Variants in TEAD1 observed in about 807,000 individuals in gnomAD.
TEAD1 encodes transcriptional enhancer factor TEF-1.
A neutral mutation model predicts 54.9 loss-of-function variants in TEAD1; 9 were observed. The ratio of observed to expected loss-of-function variants is 0.16; its 90% CI spans 0.10 to 0.29. The LOEUF (loss-of-function observed/expected upper bound fraction) is 0.29. Among genes scored for constraint, TEAD1 ranks in the 10% least tolerant of loss-of-function variants. The pLI is 1.00. For missense variants in TEAD1, 387 were observed against 535.9 expected, an observed-to-expected ratio of 0.72 and a Z score of 2.74; for synonymous variants, 200 against 187.8, an observed-to-expected ratio of 1.07 and a Z score of -0.53.
intron 5 of TEAD1, among the ~76,000 whole-genome samples, chr11:12,876,583 C>G (rs1046124368): frequency 2.0e-5 from 3 of 152,194 alleles, no homozygotes; most frequent in Non-Finnish European, 4.4e-5. Flanking sequence ...GTCAGGCAGG[C>G]AAGACGTCTG....
intron 3 of TEAD1, among the ~76,000 whole-genome samples, chr11:12,786,555 T>C (rs1564939559): frequency 6.6e-6 from 1 of 152,222 alleles, no homozygotes; most frequent in Non-Finnish European, 1.5e-5. Flanking sequence ...GCCGTGGTTA[T>C]ATTTTATATA....
chr11:12,680,837 ATTG>A (rs745886170), intron 2 of TEAD1, among the ~76,000 whole-genome samples: 19 of 152,276 alleles, frequency 1.2e-4, no homozygotes, highest in South Asian at 2.1e-4. Flanking sequence ...AGGCGTGCCT[ATTG>A]TTATGGCAGC....
intron 3 of TEAD1, among the ~76,000 whole-genome samples, chr11:12,843,458 C>A (rs1239558290): frequency 6.6e-6 from 1 of 152,154 alleles, no homozygotes; most frequent in African/African-American, 2.4e-5. Context: ...TAGTCAGCTA[C>A]GAAGTAAGTA....
intron 9 of TEAD1, among the ~76,000 whole-genome samples, chr11:12,889,284 C>T (rs1485114495): frequency 6.6e-6 from 1 of 152,180 alleles, no homozygotes; most frequent in East Asian, 1.9e-4. Context: ...CAGATGAAAA[C>T]CCGGCCTGGC....
chr11:12,753,876 T>A (rs1049137832), intron 2 of TEAD1, among the ~76,000 whole-genome samples: 2 of 152,240 alleles, frequency 1.3e-5, no homozygotes, highest in Non-Finnish European at 2.9e-5. Flanking sequence ...TTTTTTACTT[T>A]CAGATCTAAA....
intron 3 of TEAD1, among the ~76,000 whole-genome samples, chr11:12,798,154 C>T (rs1400711969): frequency 1.3e-5 from 2 of 152,196 alleles, no homozygotes; most frequent in African/African-American, 4.8e-5. Context: ...TAGTTGCCTC[C>T]TGCACACATG....
chr11:12,803,066 A>T (rs888385446), intron 3 of TEAD1, among the ~76,000 whole-genome samples: 2 of 152,086 alleles, frequency 1.3e-5, no homozygotes, highest in African/African-American at 4.8e-5. Flanking sequence ...GATTCTGGGA[A>T]AACAGAAGTT....
intron 9 of TEAD1, among the ~76,000 whole-genome samples, chr11:12,885,749 G>A (rs1272470151): frequency 6.6e-6 from 1 of 152,120 alleles, no homozygotes; most frequent in Non-Finnish European, 1.5e-5. Flanking sequence ...TGTTAACTGT[G>A]CTCTCCAGTT....
At chr11:12,909,836 A>G (rs898673096) in intron 10 of TEAD1, among the ~76,000 whole-genome samples, 3 of 152,122 alleles carry the variant, frequency 2.0e-5, no homozygotes, top group African/African-American at 7.2e-5. Flanking sequence ...TAATTAAACC[A>G]TCTCGGAAAA....
chr11:12,828,567 T>G (rs1376431432), intron 3 of TEAD1, among the ~76,000 whole-genome samples: 1 of 152,098 alleles, frequency 6.6e-6, no homozygotes, highest in Non-Finnish European at 1.5e-5. Context: ...TTTCAAAAGC[T>G]GATGTTTGAG....
chr11:12,719,301 G>A (rs755399231), intron 2 of TEAD1, among the ~76,000 whole-genome samples: 5 of 152,122 alleles, frequency 3.3e-5, no homozygotes, highest in African/African-American at 4.8e-5. Flanking sequence ...AAATGATTGC[G>A]TCCTGTGGAG....
At chr11:12,724,143 CCT>C (rs1334189672) in intron 2 of TEAD1, among the ~76,000 whole-genome samples, 1 of 152,122 alleles carries the variant, frequency 6.6e-6, no homozygotes, top group African/African-American at 2.4e-5. Flanking sequence ...TCCAGTGGCC[CCT>C]GAGGCCACAC....
chr11:12,711,980 C>G (rs1943947944), intron 2 of TEAD1, among the ~76,000 whole-genome samples: 1 of 152,160 alleles, frequency 6.6e-6, no homozygotes, highest in Non-Finnish European at 1.5e-5. Context: ...TCCTCTTCTC[C>G]AGGTCCTCTG....
chr11:12,863,051 C>A (rs1043238785), intron 4 of TEAD1, among the ~76,000 whole-genome samples: 1 of 152,054 alleles, frequency 6.6e-6, no homozygotes, highest in Admixed American at 6.5e-5. Context: ...CTAAAAACCT[C>A]ATGGGTGAGT....
intron 3 of TEAD1, among the ~76,000 whole-genome samples, chr11:12,859,496 C>T (rs1234439227): frequency 6.6e-6 from 1 of 152,190 alleles, no homozygotes; most frequent in Admixed American, 6.5e-5. Context: ...TAATTAGGTA[C>T]TCCTAGCTGG....
chr11:12,717,019 G>A (rs935017394), intron 2 of TEAD1, among the ~76,000 whole-genome samples: 79 of 152,294 alleles, frequency 5.2e-4, no homozygotes, highest in African/African-American at 1.9e-3. Flanking sequence ...CACAATGTGG[G>A]TACCAACTCA....
chr11:12,944,706 A>G lies in TEAD1; in HGVS notation c.*7484A>G, dbSNP rs927442700. On this transcript the variant is annotated 3_prime_UTR_variant, in exon 13 of 13. Coordinates refer to ENST00000527636, the MANE Select transcript of TEAD1 (RefSeq NM_021961.6). ...GAAACTTTGTATTCATACGGTATCAATGAAAAATAAAGAAAATGAAAGTGT... is the reference window on the plus strand; with the variant it reads ...GAAACTTTGTATTCATACGGTATCAGTGAAAAATAAAGAAAATGAAAGTGT... Among the ~76,000 whole-genome samples, 11 of 152,218 alleles carry G rather than the reference A, an allele frequency of 7.2e-5. No individual in the cohort carries two copies. Among genetic ancestry groups the G allele is most frequent in the Admixed American group, 1.3e-4 (2 of 15,282 alleles).
At chr11:12,842,616 A>G (rs16924744) in intron 3 of TEAD1, among the ~76,000 whole-genome samples, 3,319 of 152,274 alleles carry the variant, frequency 0.022, 133 homozygotes, top group African/African-American at 0.074. Flanking sequence ...AATTGCTTGT[A>G]TGCAGGTTCA....
chr11:12,930,467 G>A, intron 12 of TEAD1, 141 bp downstream of exon 12: 1 of 1,024,704 alleles, frequency 9.8e-7, no homozygotes, highest in Non-Finnish European at 1.5e-6. Context: ...TGGTCAGTCA[G>A]CAGTTGAATT....
Sources: gnomAD v4.1 joint callset for allele counts (sites outside exome capture counted in the v4.1 genomes callset) on GRCh38, gnomAD v4.1.1 for gene constraint, MANE v1.5 for transcripts, NCBI Gene and HGNC (gene_info 2026-07-23, HGNC 2026-07-21) for gene names.